Variants in TVP23A observed in about 807,000 individuals in gnomAD.
TVP23A encodes trans-golgi network vesicle protein 23 homolog A.
Under a neutral mutation model 31.7 loss-of-function variants are expected in TVP23A, and 21 were observed. That is an observed-to-expected ratio of 0.66 (90% CI 0.47 to 0.95). The LOEUF (loss-of-function observed/expected upper bound fraction) is 0.95, where lower values mean the gene tolerates loss of function less well. Among genes scored for constraint, TVP23A ranks in the 40% least tolerant of loss-of-function variants. The pLI is 0.00. For synonymous variants in TVP23A, 104 were observed against 96.0 expected, an observed-to-expected ratio of 1.08 and a Z score of -0.49; for missense variants, 279 against 255.6, an observed-to-expected ratio of 1.09 and a Z score of -0.62.
chr16:10,814,647 C>A (rs1288034476), intron 2 of TVP23A, among the ~76,000 whole-genome samples: 1 of 152,224 alleles, frequency 6.6e-6, no homozygotes, highest in African/African-American at 2.4e-5. Flanking sequence ...AACTCTGGAA[C>A]TGCCCTGCCC....
downstream of TVP23A, among the ~76,000 whole-genome samples, chr16:10,759,523 C>A (rs1190653910): frequency 6.6e-6 from 1 of 152,154 alleles, no homozygotes; most frequent in Non-Finnish European, 1.5e-5. This position sits in a 1 kb window ranked among gnomAD's most constrained non-coding sequence, Gnocchi z 4.7. Flanking sequence ...TCTGTAATCC[C>A]AGCACTTTGG....
chr16:10,775,831 C>G (rs1405919535), intron 2 of TVP23A, among the ~76,000 whole-genome samples: 1 of 148,120 alleles, frequency 6.8e-6, no homozygotes, highest in African/African-American at 2.5e-5. Flanking sequence ...TCACAGCAAC[C>G]TCCACCTCCC....
chr16:10,767,561 C>T lies in TVP23A; in HGVS notation c.*1541G>A, dbSNP rs552444413. 2.0e-5 allele frequency: 9 copies of T among 453,008 alleles called. No homozygotes were observed. In the South Asian group the frequency reaches 2.6e-4, roughly 13 times the overall value. The allele number at this position is 453,008 out of a possible 1,614,324, so 28.1% of individuals were successfully genotyped here. On this transcript the variant is annotated 3_prime_UTR_variant, in exon 8 of 8. Coordinates refer to ENST00000299866, the MANE Select transcript of TVP23A (RefSeq NM_001079512.4). This position sits in a 1 kb window ranked among gnomAD's most constrained non-coding sequence, Gnocchi z 4.6. Reference sequence around the variant, plus strand: ...CACCTAGAACACTAGTAGCCCTTTTCGGACTTGGCCTTTTATGCCATATCC... The same window carrying T: ...CACCTAGAACACTAGTAGCCCTTTTTGGACTTGGCCTTTTATGCCATATCC...
chr16:10,769,185 C>G, intron 7 of TVP23A, 84 bp from the exon 8 acceptor site: 11 of 1,341,486 alleles, frequency 8.2e-6, no homozygotes, highest in Admixed American at 1.7e-5. Flanking sequence ...CCGACCAGCT[C>G]CGGGATGGGG....
chr16:10,759,817 T>C (rs1236862131), downstream of TVP23A, among the ~76,000 whole-genome samples: 2 of 152,158 alleles, frequency 1.3e-5, no homozygotes, highest in Non-Finnish European at 2.9e-5. The surrounding 1 kb of genome is among the most constrained non-coding windows in gnomAD (Gnocchi z 4.7). Flanking sequence ...TCGCAGCCCA[T>C]TGACTTTCTA....
Position 10,817,244 on chromosome 16 carries a change from T to C in TVP23A, c.89+859A>G, listed in dbSNP as rs143473918. On this transcript the variant is annotated intron_variant, in intron 2 of 7. Transcript: ENST00000299866. ...TAATGGTAATTTGTTCTAGCGGCCA[T>C]AGGAAACTAATACAGTCTATTACTT... Among the ~76,000 whole-genome samples the C allele has an allele frequency of 5.7e-3, 876 of 152,384 alleles. 4 individuals are homozygous for C. Among genetic ancestry groups the C allele is most frequent in the Non-Finnish European group, 6.5e-3 (443 of 68,044 alleles).
Position 10,767,931 on chromosome 16 carries a change from G to C in TVP23A, c.*1171C>G. On this transcript the variant is annotated 3_prime_UTR_variant, in exon 8 of 8. Coordinates refer to ENST00000299866, the MANE Select transcript of TVP23A (RefSeq NM_001079512.4). This position sits in a 1 kb window ranked among gnomAD's most constrained non-coding sequence, Gnocchi z 4.6. ...TTCCTCTTGGACTGAATTGTCTTCC[G>C]TTTGTTTCTTTTTTAAGGTAAGAAT... The C allele has an allele frequency of 6.2e-7, 1 of 1,612,846 alleles. No individual in the cohort carries two copies. The highest frequency in any genetic ancestry group is 8.5e-7 in the Non-Finnish European group (1 of 1,178,898).
downstream of TVP23A, among the ~76,000 whole-genome samples, chr16:10,764,540 G>C (rs952232370): frequency 6.7e-6 from 1 of 149,388 alleles, no homozygotes; most frequent in Admixed American, 6.7e-5. Context: ...TCATTCTGCT[G>C]GAGTATTTGT....
chr16:10,792,279 T>A (rs1352736179), intron 2 of TVP23A, among the ~76,000 whole-genome samples: 1 of 152,182 alleles, frequency 6.6e-6, no homozygotes, highest in Non-Finnish European at 1.5e-5. Flanking sequence ...CCCCAGGTAT[T>A]TACCACAGAC....
intron 2 of TVP23A, among the ~76,000 whole-genome samples, chr16:10,816,886 TAAATA>T (rs1460307355): frequency 2.1e-5 from 3 of 139,700 alleles, no homozygotes; most frequent in Non-Finnish European, 3.1e-5. Flanking sequence ...TAATAAAAAA[TAAATA>T]AAATAAAAAA....
chr16:10,765,461 T>C (rs1003458390), downstream of TVP23A, among the ~76,000 whole-genome samples: 2 of 151,690 alleles, frequency 1.3e-5, no homozygotes, highest in Non-Finnish European at 2.9e-5. The surrounding 1 kb of genome is among the most constrained non-coding windows in gnomAD (Gnocchi z 4.0). Flanking sequence ...TGAGCCATGA[T>C]CACACCACTG....
At position 10,818,613 on chromosome 16, in the gene TVP23A, G is replaced by A. The variant is rs2034551285; in HGVS notation, c.-120C>T. 2 of 1,310,778 alleles carry A rather than the reference G, an allele frequency of 1.5e-6. No homozygotes were observed. The highest frequency in any genetic ancestry group is 1.5e-5 in the African/African-American group (1 of 64,922). The allele number at this position is 1,310,778 out of a possible 1,614,324, so 81.2% of individuals were successfully genotyped here. A position where few individuals can be genotyped will look rare whatever the true frequency, so the allele number is the denominator to read the frequency against. The stretch of plus-strand genomic sequence containing the variant: ...CAGCAGACGGTGGACGCTGAGGGTC[G>A]GGGCCTGCGCCCTGTGGGGCAGCCT... On this transcript the variant is annotated 5_prime_UTR_variant, in exon 1 of 8. Transcript: ENST00000299866. The surrounding 1 kb of genome is among the most constrained non-coding windows in gnomAD (Gnocchi z 4.7).
rs889534483 is a variant in TVP23A at position 10,777,181 on chromosome 16, G to A, written c.90-2085C>T. Among the ~76,000 whole-genome samples, 7 of 152,124 alleles carry A rather than the reference G, an allele frequency of 4.6e-5. No individual in the cohort carries two copies. The highest frequency in any genetic ancestry group is 1.7e-4 in the African/African-American group (7 of 41,402). ...CGCACCTCAGGGCAGGGGAGGAAAA[G>A]GGAGGGATGAAAGGGACTCTTCCCA... is the stretch of plus-strand genomic sequence containing the variant. On this transcript the variant is annotated intron_variant, in intron 2 of 7. Coordinates refer to ENST00000299866, the MANE Select transcript of TVP23A (RefSeq NM_001079512.4). The surrounding 1 kb of genome is among the most constrained non-coding windows in gnomAD (Gnocchi z 4.5).
At chr16:10,802,559 T>G (rs1374155867) in intron 2 of TVP23A, among the ~76,000 whole-genome samples, 1 of 152,130 alleles carries the variant, frequency 6.6e-6, no homozygotes. Context: ...GGGTTACAGG[T>G]GTGAGCCAGT....
intron 7 of TVP23A, 162 bp from the exon 8 acceptor site, chr16:10,769,263 TTGAG>T (rs2031352326): frequency 4.9e-6 from 3 of 616,718 alleles, no homozygotes; most frequent in African/African-American, 3.7e-5. Flanking sequence ...ACTTTAATCA[TTGAG>T]TATTTGTACA....
At chr16:10,758,057 C>A (rs1451444060), downstream of TVP23A, 2 of 1,607,474 alleles carry the variant, frequency 1.2e-6, no homozygotes, top group Admixed American at 1.7e-5. Flanking sequence ...GAGCTGGGTC[C>A]AAACTGTGCT....
chr16:10,789,546 G>C (rs184927778), intron 2 of TVP23A, among the ~76,000 whole-genome samples: 2 of 151,706 alleles, frequency 1.3e-5, no homozygotes, highest in Admixed American at 1.3e-4. Context: ...ATATACATTG[G>C]GGCTGGGTGT....
At position 10,818,507 on chromosome 16, in the gene TVP23A, G is replaced by T. The variant is rs1419877296; in HGVS notation, c.-14C>A. The T allele has an allele frequency of 6.2e-7, 1 of 1,602,802 alleles. No individual in the cohort carries two copies. Among genetic ancestry groups the T allele is most frequent in the Non-Finnish European group, 8.5e-7 (1 of 1,178,390 alleles). ...TACCTGCTTCATCACCCTCCCAGGAGCCCACCTGGCGCCCAGGCCCGGGGC... is the reference window on the plus strand; with the variant it reads ...TACCTGCTTCATCACCCTCCCAGGATCCCACCTGGCGCCCAGGCCCGGGGC... On this transcript the variant is annotated 5_prime_UTR_variant, in exon 1 of 8. Transcript: ENST00000299866. This position sits in a 1 kb window ranked among gnomAD's most constrained non-coding sequence, Gnocchi z 4.7.
At chr16:10,797,281 G>A (rs73497740) in intron 2 of TVP23A, among the ~76,000 whole-genome samples, 3,840 of 151,944 alleles carry the variant, frequency 0.025, 134 homozygotes, top group African/African-American at 0.084. Context: ...TGGCCTTTGG[G>A]AGCCACTTTG....
Sources: gnomAD v4.1 joint callset for allele counts (sites outside exome capture counted in the v4.1 genomes callset) on GRCh38, gnomAD v4.1.1 for gene constraint, Gnocchi (gnomAD v3.1) non-coding constraint, MANE v1.5 for transcripts, NCBI Gene and HGNC (gene_info 2026-07-23, HGNC 2026-07-21) for gene names.